TENM2: variants seen among roughly 807,000 people sequenced by gnomAD.
TENM2 encodes the protein teneurin-2.
A neutral mutation model predicts 245.2 loss-of-function variants in TENM2; 52 were observed. The observed-to-expected ratio is 0.21, with a 90% confidence interval of 0.17 to 0.27. TENM2 has a LOEUF of 0.27. TENM2 is among the 10% of genes least tolerant of loss of function. The probability of loss-of-function intolerance (pLI) is 1.00; values close to 1 mark genes in which losing one functional copy is unlikely to be tolerated. For synonymous variants in TENM2, 1,363 were observed against 1,438.9 expected (o/e 0.95, Z 1.19); for missense variants, 3,046 against 3,666.8 (o/e 0.83, Z 4.37).
chr5:167,758,860 A>G (rs1214941053), intron 2 of TENM2, among the ~76,000 whole-genome samples: 1 of 152,002 alleles, frequency 6.6e-6, no homozygotes, highest in East Asian at 1.9e-4. Context: ...CTTTCATGCT[A>G]GGACCTTGAT....
chr5:167,557,102 C>T (rs1448923724), intron 2 of TENM2, among the ~76,000 whole-genome samples: 2 of 152,024 alleles, frequency 1.3e-5, no homozygotes, highest in African/African-American at 2.4e-5. Context: ...TTGAGAAAAG[C>T]GTGTGTGCGT....
At chr5:167,374,901 C>T (rs1273458631) in intron 1 of TENM2, among the ~76,000 whole-genome samples, 2 of 152,178 alleles carry the variant, frequency 1.3e-5, no homozygotes, top group South Asian at 2.1e-4. Flanking sequence ...TGATACGTTC[C>T]GGGTTTTTTC....
intron 6 of TENM2, among the ~76,000 whole-genome samples, chr5:168,052,957 A>C (rs185709439): frequency 6.6e-6 from 1 of 152,308 alleles, no homozygotes; most frequent in East Asian, 1.9e-4. Context: ...AGTTGGCTTA[A>C]TGCGTGGTAC....
the TENM2 span, among the ~76,000 whole-genome samples, chr5:167,156,876 A>G: frequency 3.9e-5 from 6 of 152,200 alleles, no homozygotes; most frequent in Non-Finnish European, 8.8e-5. Context: ...CGACATGTTC[A>G]TTAAGTTATA....
At chr5:168,017,066 T>C (rs927301916) in intron 5 of TENM2, among the ~76,000 whole-genome samples, 10 of 152,180 alleles carry the variant, frequency 6.6e-5, no homozygotes, top group Admixed American at 5.9e-4. Context: ...CACTGACCAG[T>C]TAGCAGCCTC....
At chr5:167,899,764 T>G (rs1775534493) in intron 3 of TENM2, among the ~76,000 whole-genome samples, 1 of 152,150 alleles carries the variant, frequency 6.6e-6, no homozygotes, top group Non-Finnish European at 1.5e-5. Flanking sequence ...CAGAGTTCTA[T>G]TGCACAGGAA....
chr5:167,295,236 A>G (rs1012816751), intron 1 of TENM2, among the ~76,000 whole-genome samples: 1 of 152,246 alleles, frequency 6.6e-6, no homozygotes. Flanking sequence ...TCTGTCCAGC[A>G]TGACAATGTC....
intron 3 of TENM2, among the ~76,000 whole-genome samples, chr5:167,922,477 C>T (rs1456656541): frequency 6.6e-6 from 1 of 152,228 alleles, no homozygotes; most frequent in Non-Finnish European, 1.5e-5. Flanking sequence ...ATAAAACACA[C>T]ATCCTGCCCT....
At chr5:168,055,801 T>C (rs1047907391) in intron 6 of TENM2, among the ~76,000 whole-genome samples, 9 of 152,120 alleles carry the variant, frequency 5.9e-5, no homozygotes, top group Admixed American at 4.6e-4. Context: ...AAAATACAGA[T>C]GAGTAGACAG....
chr5:166,998,933 A>T, the TENM2 span, among the ~76,000 whole-genome samples: 1 of 151,916 alleles, frequency 6.6e-6, no homozygotes, highest in African/African-American at 2.4e-5. Context: ...GTTGTGAAGA[A>T]AAAAGGATTG....
chr5:167,259,773 C>CA, the TENM2 span, among the ~76,000 whole-genome samples: 16 of 151,516 alleles, frequency 1.1e-4, no homozygotes, highest in Non-Finnish European at 1.6e-4. Flanking sequence ...ATGTTTTAAA[C>CA]AAAAAAATTC....
intron 2 of TENM2, among the ~76,000 whole-genome samples, chr5:167,757,238 C>G (rs1229318202): frequency 6.6e-6 from 1 of 151,882 alleles, no homozygotes; most frequent in Non-Finnish European, 1.5e-5. Flanking sequence ...CTATCCCTCC[C>G]CTTGCCTCCC....
At chr5:168,107,842 C>T (rs1382714326) in intron 9 of TENM2, among the ~76,000 whole-genome samples, 1 of 152,214 alleles carries the variant, frequency 6.6e-6, no homozygotes, top group African/African-American at 2.4e-5. Flanking sequence ...TCACAGGTCA[C>T]CACCTCCCTG....
chr5:167,856,852 G>A (rs1355945265), intron 2 of TENM2, among the ~76,000 whole-genome samples: 1 of 152,218 alleles, frequency 6.6e-6, no homozygotes, highest in East Asian at 1.9e-4. Context: ...TTTCTGGGAT[G>A]AGGAGCTTGT....
intron 7 of TENM2, among the ~76,000 whole-genome samples, chr5:168,071,889 T>A (rs1791040133): frequency 1.3e-5 from 2 of 152,292 alleles, no homozygotes; most frequent in South Asian, 4.1e-4. Context: ...ATTCCCACTT[T>A]GGGTATGAGA....
chr5:167,710,688 C>G (rs1174963509), intron 2 of TENM2, among the ~76,000 whole-genome samples: 1 of 152,112 alleles, frequency 6.6e-6, no homozygotes, highest in African/African-American at 2.4e-5. Flanking sequence ...TTTCAAAGAG[C>G]CTTTTTGGGC....
chr5:167,671,599 T>C (rs570038243), intron 2 of TENM2, among the ~76,000 whole-genome samples: 3 of 152,202 alleles, frequency 2.0e-5, no homozygotes, highest in South Asian at 2.1e-4. Flanking sequence ...TTGTATTTTA[T>C]AGTGATCTAT....
chr5:167,993,022 A>G, exon 5 of TENM2: 1 of 1,613,890 alleles, frequency 6.2e-7, no homozygotes, highest in Non-Finnish European at 8.5e-7. Context: ...TGACCTCAGG[A>G]ACGGTTTACA....
chr5:167,514,864 A>G lies in TENM2; in HGVS notation c.502+139391A>G, dbSNP rs564296370. Among the ~76,000 whole-genome samples the G allele has an allele frequency of 2.4e-4, 36 of 152,214 alleles. No homozygotes were observed. In the South Asian group the frequency reaches 7.5e-3, roughly 32 times the overall value. ...TGTCTCTACTAAAAATACAAAAATTAGCTTGGCATGGTGGCGGGTGCCTGT... is the reference window on the plus strand; with the variant it reads ...TGTCTCTACTAAAAATACAAAAATTGGCTTGGCATGGTGGCGGGTGCCTGT... On this transcript the variant is annotated intron_variant, in intron 2 of 28. Transcript: ENST00000518659.
Sources: allele counts gnomAD v4.1 joint callset (sites outside exome capture counted in the v4.1 genomes callset), GRCh38; gene constraint gnomAD v4.1.1; transcripts MANE v1.5; gene names NCBI Gene and HGNC (gene_info 2026-07-23, HGNC 2026-07-21).